Variants in CDCA5 observed in about 807,000 individuals in gnomAD.
CDCA5 encodes sororin.
CDCA5 carries 14 observed loss-of-function variants against 25.7 expected under a neutral mutation model. That is an observed-to-expected ratio of 0.54 (90% CI 0.36 to 0.85). The LOEUF is 0.85. Among genes scored for constraint, CDCA5 ranks in the 40% least tolerant of loss-of-function variants. The pLI is 0.01. For synonymous variants in CDCA5, 127 were observed against 128.7 expected, an observed-to-expected ratio of 0.99 and a Z score of 0.09; for missense variants, 307 against 324.5, an observed-to-expected ratio of 0.95 and a Z score of 0.41.
At chr11:65,064,191 G>A (rs1055073830), downstream of CDCA5, among the ~76,000 whole-genome samples, 2 of 152,114 alleles carry the variant, frequency 1.3e-5, no homozygotes, top group Admixed American at 1.3e-4. Flanking sequence ...GGCCGAGGCA[G>A]GTGTATCACA....
At position 65,066,760 on chromosome 11, in the gene CDCA5, G is replaced by C; in HGVS notation, c.435+53C>G. 2.3e-6 allele frequency: 3 copies of C among 1,287,258 alleles called. No homozygotes were observed. In the South Asian group the frequency reaches 3.7e-5, roughly 16 times the overall value. The allele number at this position is 1,287,258 out of a possible 1,614,324, so 79.7% of individuals were successfully genotyped here. A position where few individuals can be genotyped will look rare whatever the true frequency, so the allele number is the denominator to read the frequency against. ...AAGCCCCTCTAGGAGAGCTGGGCTG[G>C]GAGGCAGGGAGGAGGCAAGACAAAG... On this transcript the variant is annotated intron_variant, in intron 5 of 6. Coordinates refer to the CDCA5 transcript ENST00000525464.
downstream of CDCA5, among the ~76,000 whole-genome samples, chr11:65,074,945 C>G (rs1947412458): frequency 6.6e-6 from 1 of 150,954 alleles, no homozygotes; most frequent in Non-Finnish European, 1.5e-5. Flanking sequence ...GCCTGTAATT[C>G]CAGCTACTCA....
chr11:65,071,102 C>T (rs910529965), intron 1 of CDCA5, among the ~76,000 whole-genome samples: 25 of 151,212 alleles, frequency 1.7e-4, no homozygotes, highest in Admixed American at 1.1e-3. Flanking sequence ...CCACCACACC[C>T]GGCTAATTTT....
In CDCA5 at chr11:65,083,419, T is replaced by C. The variant is rs746372745; in HGVS notation, c.208-20A>G. 1.2e-6 allele frequency: 2 copies of C among 1,614,054 alleles called. No individual in the cohort carries two copies. The highest frequency in any genetic ancestry group is 1.1e-5 in the South Asian group (1 of 91,094). On this transcript the variant is annotated intron_variant, in intron 3 of 5. Coordinates refer to ENST00000275517, the MANE Select transcript of CDCA5 (RefSeq NM_080668.4). ...TGGGACCTGCGGGGGACAATACCAA[T>C]TGATCACATAGCTGGTCCCCAGTTT... is the stretch of plus-strand genomic sequence containing the variant.
chr11:65,066,239 G>A (rs938547114), downstream of CDCA5: 31 of 763,354 alleles, frequency 4.1e-5, no homozygotes, highest in East Asian at 3.1e-4. Context: ...CAGTGTGGAC[G>A]TGGTGACCTC....
chr11:65,084,018 C>A lies in CDCA5; in HGVS notation c.-40G>T. 1 of 1,589,206 alleles carries A rather than the reference C, an allele frequency of 6.3e-7. No homozygotes were observed. The highest frequency in any genetic ancestry group is 8.5e-7 in the Non-Finnish European group (1 of 1,170,476). On this transcript the variant is annotated 5_prime_UTR_variant, in exon 1 of 6. Transcript: ENST00000275517. ...CTCGAGCTCCTCCAGCGCCGCCGCC[C>A]CGGGCGCGCGCCAACCGGGAAGGCC... is the stretch of plus-strand genomic sequence containing the variant.
chr11:65,083,392 G>A lies in CDCA5; in HGVS notation c.215C>T (p.Ala72Val). The A allele has an allele frequency of 6.2e-7, 1 of 1,614,230 alleles. No homozygotes were observed. The highest frequency in any genetic ancestry group is 1.6e-4 in the Middle Eastern group (1 of 6,062). ...RIVAHAVEVPAVQSPRRSPRI... is the reference protein window; with the variant it reads ...RIVAHAVEVPVVQSPRRSPRI... ...AGGGCTCCTGCGAGGTGATTGGACA[G>A]CTGGGACCTGCGGGGGACAATACCA... Residue 72 changes from alanine (A) to valine (V), a missense_variant, in exon 4 of 6, where the codon GCT (alanine) becomes GTT (valine). By Grantham distance (64) the Ala-to-Val change is moderately conservative. Transcript: ENST00000275517.
intron 4 of CDCA5, 107 bp from the exon 5 acceptor site, chr11:65,079,894 T>C: frequency 3.8e-6 from 2 of 523,236 alleles, no homozygotes; most frequent in South Asian, 6.0e-5. Flanking sequence ...ACACACACTT[T>C]TTTTTTTTTT....
At chr11:65,068,233 G>T in intron 2 of CDCA5, 1 of 628,718 alleles carries the variant, frequency 1.6e-6, no homozygotes. Context: ...GGGCCCCATC[G>T]TCTGTATCCC....
At chr11:65,067,506 A>C (rs1947261705) in intron 4 of CDCA5, 1 of 386,262 alleles carries the variant, frequency 2.6e-6, no homozygotes, top group Admixed American at 3.3e-5. Flanking sequence ...CCCCAGACTG[A>C]ACGCTCCTCA....
downstream of CDCA5, among the ~76,000 whole-genome samples, chr11:65,077,021 C>T (rs761840642): frequency 3.3e-5 from 5 of 152,206 alleles, no homozygotes; most frequent in African/African-American, 4.8e-5. Flanking sequence ...GGCGCAGTGG[C>T]TCACGCCTGT....
At chr11:65,073,692 C>A (rs920173630), downstream of CDCA5, among the ~76,000 whole-genome samples, 6 of 152,174 alleles carry the variant, frequency 3.9e-5, no homozygotes, top group Non-Finnish European at 8.8e-5. Flanking sequence ...GGGGTGCAAA[C>A]AGGAAACAAT....
At position 65,067,303 on chromosome 11, in the gene CDCA5, G is replaced by A. The variant is rs1947257644; in HGVS notation, c.368+352C>T. ...AACCAGCCCTGCCTAGGCGCTCCAG[G>A]TCAGCTGTGTATGAATGGGAGAGCT... On this transcript the variant is annotated intron_variant, in intron 4 of 6. Coordinates refer to the CDCA5 transcript ENST00000525464. Among the ~76,000 whole-genome samples the A allele has an allele frequency of 6.6e-5, 10 of 152,310 alleles. No individual in the cohort carries two copies. The South Asian group carries it at 2.1e-3, about 32-fold the overall frequency.
At chr11:65,077,007 G>T (rs895090252), downstream of CDCA5, among the ~76,000 whole-genome samples, 1 of 152,192 alleles carries the variant, frequency 6.6e-6, no homozygotes, top group African/African-American at 2.4e-5. Flanking sequence ...GGCAGGACAG[G>T]CCAGGCGCAG....
chr11:65,067,824 G>A (rs1947268227), intron 3 of CDCA5: 1 of 1,004,772 alleles, frequency 1.0e-6, no homozygotes, highest in Non-Finnish European at 1.4e-6. Context: ...GGTGGTGTGG[G>A]GGTGCCCAGC....
At chr11:65,063,195 G>T (rs7936473), downstream of CDCA5, among the ~76,000 whole-genome samples, 1 of 152,214 alleles carries the variant, frequency 6.6e-6, no homozygotes, top group Non-Finnish European at 1.5e-5. Context: ...CGTAACAGGC[G>T]CAGGTGCCCT....
Position 65,083,650 on chromosome 11 carries a change from G to A in CDCA5, c.120C>T (p.Ile40=), listed in dbSNP as rs1565292729. ...QRKSGSELPS[I]LPEIWPKTPS... ...TCACCTTCGGCCAGATTTCAGGGAG[G>A]ATGCTCGGGAGTTCAGAGCCTGATT... The change falls in exon 2 of 6, where the codon ATC becomes ATT. Residue 40 remains isoleucine, a synonymous_variant. Coordinates refer to ENST00000275517, the MANE Select transcript of CDCA5 (RefSeq NM_080668.4). 6.2e-7 allele frequency: 1 copy of A among 1,614,228 alleles called. No individual in the cohort carries two copies. Among genetic ancestry groups the A allele is most frequent in the Non-Finnish European group, 8.5e-7 (1 of 1,180,038 alleles).
intron 4 of CDCA5, chr11:65,083,115 G>A: frequency 3.5e-6 from 2 of 564,764 alleles, no homozygotes; most frequent in Non-Finnish European, 6.3e-6. Context: ...AGTACGTGGA[G>A]TTAAGACATA....
At chr11:65,072,153 G>C (rs1685854147) in intron 1 of CDCA5, among the ~76,000 whole-genome samples, 1 of 152,214 alleles carries the variant, frequency 6.6e-6, no homozygotes, top group African/African-American at 2.4e-5. Flanking sequence ...CCGTTAGAGA[G>C]ATGGAATTGG....
Sources: gnomAD v4.1 joint callset for allele counts (sites outside exome capture counted in the v4.1 genomes callset) on GRCh38, gnomAD v4.1.1 for gene constraint, MANE v1.5 for transcripts, NCBI Gene and HGNC (gene_info 2026-07-23, HGNC 2026-07-21) for gene names.